The following EHMT1 variants were observed in gnomAD, a reference collection of about 807,000 sequenced individuals.
The protein encoded by EHMT1 is histone-lysine N-methyltransferase EHMT1.
A neutral mutation model predicts 147.2 loss-of-function variants in EHMT1; 15 were observed. That is an observed-to-expected ratio of 0.10 (90% CI 0.07 to 0.16). The LOEUF is 0.16. Ranked by LOEUF, EHMT1 falls within the 10% of genes least tolerant of loss-of-function variation. The pLI is 1.00. For missense variants in EHMT1, 1,587 were observed against 1,772.4 expected, an observed-to-expected ratio of 0.90 and a Z score of 1.88; for synonymous variants, 795 against 709.6, an observed-to-expected ratio of 1.12 and a Z score of -1.91.
rs1253821465 is a variant in EHMT1 at position 137,775,416 on chromosome 9, C to G, written c.1791+164C>G. Among the ~76,000 whole-genome samples, 7 of 152,050 alleles carry G rather than the reference C, an allele frequency of 4.6e-5. No individual in the cohort carries two copies. The highest frequency in any genetic ancestry group is 8.8e-5 in the Non-Finnish European group (6 of 67,942). ...CAGTGTTCACAAGCCCCTCACCACC[C>G]CTGTCGAGCCCCAGTGCCTTAGACA... is the stretch of plus-strand genomic sequence containing the variant. On this transcript the variant is annotated intron_variant, in intron 11 of 26. Coordinates refer to ENST00000460843, the MANE Select transcript of EHMT1 (RefSeq NM_024757.5). The surrounding 1 kb of genome is among the most constrained non-coding windows in gnomAD (Gnocchi z 6.1).
At chr9:137,804,420 A>G (rs1953757595) in intron 18 of EHMT1, among the ~76,000 whole-genome samples, 1 of 152,202 alleles carries the variant, frequency 6.6e-6, no homozygotes, top group East Asian at 1.9e-4. Context: ...CGATCCATAT[A>G]TCTTTTTTAA....
chr9:137,704,074 C>A (rs906738116), intron 1 of EHMT1, among the ~76,000 whole-genome samples: 4 of 152,110 alleles, frequency 2.6e-5, no homozygotes, highest in Admixed American at 1.3e-4. Flanking sequence ...GGGGAAGTGC[C>A]ACACACTTTC....
intron 1 of EHMT1, among the ~76,000 whole-genome samples, chr9:137,683,558 G>A (rs1942164795): frequency 6.6e-6 from 1 of 152,152 alleles, no homozygotes; most frequent in South Asian, 2.1e-4. Context: ...AAGTAGCTGA[G>A]ACTACAGGTG....
rs1945408160 is a variant in EHMT1 at position 137,717,167 on chromosome 9, G to A, written c.627G>A (p.Lys209=). The change falls in exon 3 of 27, where the codon AAG becomes AAA. Residue 209 remains lysine (K), a synonymous_variant. Transcript: ENST00000460843. ...KVHRARKTMP[K]SVVGLHAASK... ...ACAGGGCACGCAAGACCATGCCGAA[G>A]TCCGTCGTGGGCCTGGTAATTTTGT... 6.2e-7 allele frequency: 1 copy of A among 1,612,112 alleles called. No homozygotes were observed. Among genetic ancestry groups the A allele is most frequent in the African/African-American group, 1.3e-5 (1 of 74,924 alleles).
rs1490298806 is a variant in EHMT1, at chr9:137,796,715, A to AG, written c.2506-2098_2506-2097insG. The stretch of plus-strand genomic sequence containing the variant: ...CCAGACTCCATCTCAAAAAAAAAAA[A>AG]AAAAAGAAATGAAACCACACAGAAA... On this transcript the variant is annotated intron_variant, in intron 16 of 26. Coordinates refer to ENST00000460843, the MANE Select transcript of EHMT1 (RefSeq NM_024757.5). Among the ~76,000 whole-genome samples the AG allele has an allele frequency of 2.6e-5, 4 of 151,482 alleles. 1 individual carries two copies. The highest frequency in any genetic ancestry group is 4.8e-5 in the African/African-American group (2 of 41,286).
chr9:137,793,433 G>T (rs1260309120), intron 16 of EHMT1, among the ~76,000 whole-genome samples: 2 of 152,234 alleles, frequency 1.3e-5, no homozygotes, highest in Non-Finnish European at 2.9e-5. Context: ...ACTCTCACGC[G>T]TTGCTAGTGG....
chr9:137,637,168 A>G lies in EHMT1; in HGVS notation c.21+18119A>G, dbSNP rs556696759. Among the ~76,000 whole-genome samples, 21 of 150,270 alleles carry G rather than the reference A, an allele frequency of 1.4e-4. No homozygotes were observed. In the East Asian group the frequency reaches 3.8e-3, roughly 27 times the overall value. On this transcript the variant is annotated intron_variant, in intron 1 of 26. Coordinates refer to ENST00000460843, the MANE Select transcript of EHMT1 (RefSeq NM_024757.5). ...CGTCTCCACCTCCCAAAGTGCTGGGATTACAGGCGTGAGCCACCGCACCAA... is the reference window on the plus strand; with the variant it reads ...CGTCTCCACCTCCCAAAGTGCTGGGGTTACAGGCGTGAGCCACCGCACCAA...
intron 3 of EHMT1, among the ~76,000 whole-genome samples, chr9:137,722,927 T>C (rs1332658895): frequency 1.5e-4 from 18 of 118,994 alleles, no homozygotes; most frequent in African/African-American, 4.2e-4. Flanking sequence ...CCGGGGTGTG[T>C]CTGTGTCTGT....
chr9:137,654,445 A>C (rs1381316549), intron 1 of EHMT1, among the ~76,000 whole-genome samples: 2 of 148,922 alleles, frequency 1.3e-5, no homozygotes, highest in Non-Finnish European at 3.0e-5. Context: ...CTGTTTCTGA[A>C]CTTTCAGTTC....
intron 15 of EHMT1, chr9:137,789,332 T>G (rs1313544963): frequency 6.6e-6 from 1 of 152,436 alleles, no homozygotes; most frequent in East Asian, 1.9e-4. Flanking sequence ...GGTGCCACCC[T>G]CTCCATTGTG....
intron 1 of EHMT1, among the ~76,000 whole-genome samples, chr9:137,684,111 C>T (rs1440650184): frequency 9.9e-5 from 15 of 152,034 alleles, no homozygotes; most frequent in Non-Finnish European, 2.2e-4. Flanking sequence ...TCACGGCTCA[C>T]TGTAGCCTCG....
intron 15 of EHMT1, 133 bp from the exon 16 acceptor site, chr9:137,790,715 A>G: frequency 1.6e-6 from 2 of 1,259,496 alleles, no homozygotes; most frequent in Middle Eastern, 2.4e-4. Context: ...ACGTGTTTAG[A>G]AAACTCAGAC....
intron 4 of EHMT1, among the ~76,000 whole-genome samples, chr9:137,735,019 G>A (rs547852525): frequency 6.6e-6 from 1 of 152,330 alleles, no homozygotes; most frequent in Admixed American, 6.5e-5. Flanking sequence ...AAAGACATGG[G>A]CAGTTATAAA....
intron 1 of EHMT1, 120 bp from the exon 2 acceptor site, chr9:137,710,847 T>C (rs1185178118): frequency 1.8e-6 from 2 of 1,103,372 alleles, no homozygotes; most frequent in East Asian, 2.7e-5. Flanking sequence ...TAAATCTGAC[T>C]GTCCAGCAGC....
intron 8 of EHMT1, 77 bp downstream of exon 8, chr9:137,754,368 G>A: frequency 6.3e-7 from 1 of 1,586,734 alleles, no homozygotes; most frequent in Admixed American, 1.8e-5. Context: ...CCTGGGGTTG[G>A]GGTGCGTAGG....
At chr9:137,774,443 G>GC (rs1160781554) in intron 10 of EHMT1, among the ~76,000 whole-genome samples, 3 of 139,754 alleles carry the variant, frequency 2.1e-5, no homozygotes, top group African/African-American at 8.0e-5. Context: ...GGCACGCCTG[G>GC]CCCCCTGGAT....
chr9:137,723,077 T>C (rs1171019089), intron 3 of EHMT1, among the ~76,000 whole-genome samples: 4 of 136,378 alleles, frequency 2.9e-5, no homozygotes, highest in Admixed American at 1.4e-4. Context: ...GGGGTGTGTC[T>C]GTGTCTGTGG....
intron 10 of EHMT1, among the ~76,000 whole-genome samples, chr9:137,772,155 T>G (rs1345644453): frequency 6.6e-6 from 1 of 152,088 alleles, no homozygotes; most frequent in East Asian, 1.9e-4. Context: ...CATATGGAGT[T>G]ATTTATGGCT....
At chr9:137,653,218 T>C (rs1487370754) in intron 1 of EHMT1, among the ~76,000 whole-genome samples, 1 of 152,228 alleles carries the variant, frequency 6.6e-6, no homozygotes, top group African/African-American at 2.4e-5. Context: ...ATTTTTATTG[T>C]ACCTTTTCTA....
Sources: allele counts gnomAD v4.1 joint callset (sites outside exome capture counted in the v4.1 genomes callset), GRCh38; gene constraint gnomAD v4.1.1; non-coding constraint Gnocchi (gnomAD v3.1); transcripts MANE v1.5; gene names NCBI Gene and HGNC (gene_info 2026-07-23, HGNC 2026-07-21).